ERICH1: variants seen among roughly 807,000 people sequenced by gnomAD.
ERICH1 encodes glutamate rich 1, also known as glutamate-rich protein 1.
In ERICH1, 56 loss-of-function variants were observed where a neutral mutation model predicts 39.6. The observed-to-expected ratio is 1.41, with a 90% CI of 1.14 to 1.77. The LOEUF (loss-of-function observed/expected upper bound fraction) is 1.77, where lower values mean the gene tolerates loss of function less well. Ranked by LOEUF, ERICH1 falls within the 40% of genes most tolerant of loss-of-function variation. The probability of loss-of-function intolerance (pLI) is 0.00; values close to 1 mark genes in which losing one functional copy is unlikely to be tolerated. For missense variants in ERICH1, 826 were observed against 575.4 expected (o/e 1.44, Z -4.45); for synonymous variants, 313 against 223.6 (o/e 1.40, Z -3.57).
chr8:673,132 A>G (rs546072523), intron 4 of ERICH1, among the ~76,000 whole-genome samples, 157 bp downstream of exon 4: 2 of 152,230 alleles, frequency 1.3e-5, no homozygotes, highest in East Asian at 1.9e-4. Flanking sequence ...AATTATTTAC[A>G]TTGAATATTT....
In ERICH1 at chr8:692,549, T is replaced by TAGCCCTCAGGAGGCCCGC. The variant is rs774772577; in HGVS notation, c.215_232dup (p.Gly77_Tyr78insCysGlyProProGluGly). On this transcript the variant is annotated inframe_insertion, in exon 3 of 6. Coordinates refer to ENST00000262109, the MANE Select transcript of ERICH1 (RefSeq NM_207332.3). ...GCTGGGCTCCGGCCAACAGGGGACG[T>TAGCCCTCAGGAGGCCCGC]AGCCCTCAGGAGGCCCGCTGGCAGT... The TAGCCCTCAGGAGGCCCGC allele has an allele frequency of 9.3e-6, 15 of 1,613,766 alleles. No homozygotes were observed. In the Admixed American group the frequency reaches 1.7e-4, roughly 18 times the overall value.
intron 2 of ERICH1, among the ~76,000 whole-genome samples, chr8:702,391 A>C (rs979830630): frequency 1.7e-4 from 26 of 152,162 alleles, no homozygotes; most frequent in Non-Finnish European, 3.2e-4. Flanking sequence ...ACACGCTGGG[A>C]ATCTGTCCCT....
chr8:619,533 G>A (rs947507272), intron 3 of ERICH1, among the ~76,000 whole-genome samples: 4 of 152,218 alleles, frequency 2.6e-5, no homozygotes, highest in Admixed American at 6.5e-5. Context: ...AATGACATCA[G>A]ATAGTAACCA....
At chr8:668,543 A>G (rs186569427) in intron 5 of ERICH1, 55 bp downstream of exon 5, 12 of 1,604,898 alleles carry the variant, frequency 7.5e-6, no homozygotes, top group Non-Finnish European at 1.0e-5. Flanking sequence ...TTTCAGAGGC[A>G]AACCTCGATG....
chr8:621,577 G>A (rs190516774), intron 3 of ERICH1, among the ~76,000 whole-genome samples: 1 of 151,834 alleles, frequency 6.6e-6, no homozygotes, highest in East Asian at 1.9e-4. Context: ...ACCAGCAGAA[G>A]AAAGGAAATA....
rs73670346 is a variant in ERICH1 at position 618,441 on chromosome 8, G to A, written c.977-3157C>T. 2.8e-3 allele frequency among the ~76,000 whole-genome samples: 430 copies of A among 152,182 alleles called. 1 individual carries two copies. The highest frequency in any genetic ancestry group is 0.01 in the African/African-American group (417 of 41,506). On this transcript the variant is annotated intron_variant, in intron 3 of 3. Transcript: ENST00000522706. ...CTGAGTGCTCAGTACTCGGTGCTTGGTCTGTCCTCACTGCCCTGTAAGTGC... is the reference window on the plus strand; with the variant it reads ...CTGAGTGCTCAGTACTCGGTGCTTGATCTGTCCTCACTGCCCTGTAAGTGC...
chr8:686,144 G>C (rs373796949), intron 3 of ERICH1, among the ~76,000 whole-genome samples: 20 of 152,270 alleles, frequency 1.3e-4, no homozygotes, highest in East Asian at 1.2e-3. Flanking sequence ...GACAGAGCGA[G>C]ACTCCATCTC....
At chr8:628,677 G>A (rs1797735931) in intron 3 of ERICH1, among the ~76,000 whole-genome samples, 2 of 152,212 alleles carry the variant, frequency 1.3e-5, no homozygotes, top group Non-Finnish European at 2.9e-5. Context: ...AGCAAAGCCA[G>A]AGGAGGACGA....
At chr8:692,387 A>T in intron 3 of ERICH1, 91 bp downstream of exon 3, 2 of 1,562,316 alleles carry the variant, frequency 1.3e-6, no homozygotes, top group Non-Finnish European at 1.7e-6. Flanking sequence ...CCCAAGTATG[A>T]ATTTAGATAA....
chr8:661,942 G>A (rs553781962), downstream of ERICH1, among the ~76,000 whole-genome samples: 12 of 150,320 alleles, frequency 8.0e-5, no homozygotes, highest in East Asian at 2.1e-3. Flanking sequence ...CAGTGGCAGG[G>A]ATTCTGTGGA....
At chr8:663,808 G>A (rs1386166147), downstream of ERICH1, among the ~76,000 whole-genome samples, 2 of 151,546 alleles carry the variant, frequency 1.3e-5, no homozygotes, top group Non-Finnish European at 2.9e-5. Flanking sequence ...CGCCCAGGCT[G>A]CAGTGCAGTG....
At chr8:663,720 C>A (rs1281281908), downstream of ERICH1, among the ~76,000 whole-genome samples, 3 of 151,776 alleles carry the variant, frequency 2.0e-5, no homozygotes, top group Non-Finnish European at 4.4e-5. Context: ...TAGATAGAGG[C>A]ACCTGCCCTC....
intron 1 of ERICH1, among the ~76,000 whole-genome samples, chr8:727,070 T>G (rs535375072): frequency 6.7e-6 from 1 of 149,286 alleles, no homozygotes; most frequent in African/African-American, 2.5e-5. Flanking sequence ...CACGTACACA[T>G]ACACATACAC....
chr8:650,436 A>C (rs989089558), intron 3 of ERICH1, among the ~76,000 whole-genome samples: 1 of 152,000 alleles, frequency 6.6e-6, no homozygotes, highest in Non-Finnish European at 1.5e-5. Flanking sequence ...TGTCGCCTTA[A>C]CTCGTTTTCC....
chr8:619,383 T>C (rs1797137770), intron 3 of ERICH1, among the ~76,000 whole-genome samples: 1 of 152,228 alleles, frequency 6.6e-6, no homozygotes, highest in Non-Finnish European at 1.5e-5. Flanking sequence ...TTCTTTCTTC[T>C]CAACTTATTT....
intron 2 of ERICH1, among the ~76,000 whole-genome samples, chr8:699,332 C>T (rs1585433151): frequency 6.6e-6 from 1 of 152,168 alleles, no homozygotes. Context: ...AGAGTGGACG[C>T]CACCCCCGAT....
At chr8:621,609 A>C (rs1266853749) in intron 3 of ERICH1, among the ~76,000 whole-genome samples, 1 of 152,026 alleles carries the variant, frequency 6.6e-6, no homozygotes, top group Admixed American at 6.5e-5. Flanking sequence ...AGCAGAAATA[A>C]CTGACACAGA....
At chr8:709,889 T>A (rs1178600724) in intron 2 of ERICH1, among the ~76,000 whole-genome samples, 1 of 152,208 alleles carries the variant, frequency 6.6e-6, no homozygotes, top group Non-Finnish European at 1.5e-5. Flanking sequence ...CCACCAGATA[T>A]GTTACTGGTA....
At chr8:713,462 G>A (rs984257928) in intron 2 of ERICH1, among the ~76,000 whole-genome samples, 6 of 152,100 alleles carry the variant, frequency 3.9e-5, no homozygotes, top group Admixed American at 3.3e-4. Context: ...TGGAATACAC[G>A]GATTTGTCCC....
Sources: allele counts gnomAD v4.1 joint callset (sites outside exome capture counted in the v4.1 genomes callset), GRCh38; gene constraint gnomAD v4.1.1; transcripts MANE v1.5; gene names NCBI Gene and HGNC (gene_info 2026-07-23, HGNC 2026-07-21).